Variants in MARCHF1 observed in about 807,000 individuals in gnomAD.
MARCHF1 encodes membrane associated ring-CH-type finger 1, also known as E3 ubiquitin-protein ligase MARCHF1.
Under a neutral mutation model 54.2 loss-of-function variants are expected in MARCHF1, and 40 were observed. The observed-to-expected ratio is 0.74, with a 90% CI of 0.57 to 0.96. MARCHF1 has a LOEUF of 0.96. MARCHF1 is among the 40% of genes least tolerant of loss of function. The pLI is 0.00. For synonymous variants in MARCHF1, 236 were observed against 236.3 expected, an observed-to-expected ratio of 1.00 and a Z score of 0.01; for missense variants, 586 against 656.5, an observed-to-expected ratio of 0.89 and a Z score of 1.17.
chr4:164,213,320 G>A (rs1288872852), intron 1 of MARCHF1, among the ~76,000 whole-genome samples: 1 of 151,302 alleles, frequency 6.6e-6, no homozygotes, highest in Non-Finnish European at 1.5e-5. Flanking sequence ...TGAAAGCTCC[G>A]CCTCCCAGGT....
At chr4:164,053,171 G>A (rs935609420) in intron 2 of MARCHF1, among the ~76,000 whole-genome samples, 1 of 152,066 alleles carries the variant, frequency 6.6e-6, no homozygotes, top group East Asian at 1.9e-4. Context: ...ACAGTGAAAA[G>A]CTCTTTTAAA....
At chr4:163,801,166 G>T (rs114938410) in intron 4 of MARCHF1, among the ~76,000 whole-genome samples, 2,180 of 152,116 alleles carry the variant, frequency 0.014, 54 homozygotes, top group African/African-American at 0.049. Context: ...AACAAAGATT[G>T]TGCTTTGTTG....
chr4:164,042,814 G>A (rs902397928), intron 2 of MARCHF1, among the ~76,000 whole-genome samples: 7 of 152,232 alleles, frequency 4.6e-5, no homozygotes, highest in African/African-American at 1.7e-4. Context: ...TGGGGGTACA[G>A]GCATTGGGTA....
Position 163,854,857 on chromosome 4 carries a change from A to G in MARCHF1, c.-38-688T>C, listed in dbSNP as rs74681582. Reference sequence around the variant, plus strand: ...GGAATGTTTTGTCTCTGAAAAAGTCATATCAACAATGACTTTTAACATAAT... The same window carrying G: ...GGAATGTTTTGTCTCTGAAAAAGTCGTATCAACAATGACTTTTAACATAAT... On this transcript the variant is annotated intron_variant, in intron 3 of 9. Transcript: ENST00000514618. 3.1e-3 allele frequency among the ~76,000 whole-genome samples: 470 copies of G among 152,330 alleles called. 11 individuals are homozygous for G. In the East Asian group the frequency reaches 0.065, roughly 21 times the overall value.
intron 4 of MARCHF1, among the ~76,000 whole-genome samples, chr4:163,780,755 T>TA (rs1306328576): frequency 1.1e-4 from 17 of 152,226 alleles, no homozygotes; most frequent in Non-Finnish European, 1.9e-4. Flanking sequence ...TTTCTTCTTC[T>TA]AATAGCAGAA....
At chr4:164,197,482 T>G in intron 1 of MARCHF1, 2 of 1,613,686 alleles carry the variant, frequency 1.2e-6, no homozygotes, top group African/African-American at 1.3e-5. Flanking sequence ...TGCCAATACT[T>G]CCAGGCCCCC....
At chr4:163,658,936 A>G (rs1297645303) in intron 5 of MARCHF1, among the ~76,000 whole-genome samples, 1 of 151,938 alleles carries the variant, frequency 6.6e-6, no homozygotes, top group Non-Finnish European at 1.5e-5. Context: ...CTGCACATGT[A>G]CCCTGGAACT....
chr4:163,990,559 C>A (rs1169086358), intron 2 of MARCHF1, among the ~76,000 whole-genome samples: 1 of 152,138 alleles, frequency 6.6e-6, no homozygotes, highest in Non-Finnish European at 1.5e-5. Flanking sequence ...GTATTTGTGA[C>A]ATACAGGAGC....
chr4:163,962,180 G>T (rs1305216701), intron 3 of MARCHF1, among the ~76,000 whole-genome samples: 1 of 151,924 alleles, frequency 6.6e-6, no homozygotes, highest in Non-Finnish European at 1.5e-5. Context: ...AATCTTGGGA[G>T]ATTTTCCATT....
chr4:163,723,121 A>G (rs1425977595), intron 4 of MARCHF1, among the ~76,000 whole-genome samples: 1 of 152,120 alleles, frequency 6.6e-6, no homozygotes, highest in Non-Finnish European at 1.5e-5. Flanking sequence ...TCCTAGCCTC[A>G]GTGGTCTTTA....
intron 7 of MARCHF1, among the ~76,000 whole-genome samples, chr4:163,588,653 A>G (rs1159378027): frequency 1.3e-5 from 2 of 152,162 alleles, no homozygotes; most frequent in African/African-American, 4.8e-5. Context: ...TTCACTGAAT[A>G]TTTTTAATCA....
At chr4:164,177,824 C>T (rs1308725565) in intron 1 of MARCHF1, among the ~76,000 whole-genome samples, 1 of 151,018 alleles carries the variant, frequency 6.6e-6, no homozygotes, top group Non-Finnish European at 1.5e-5. Context: ...CACACACACA[C>T]ACACACACAG....
chr4:163,718,148 T>C (rs1294145808), intron 4 of MARCHF1, among the ~76,000 whole-genome samples: 2 of 152,124 alleles, frequency 1.3e-5, no homozygotes, highest in African/African-American at 2.4e-5. Flanking sequence ...CACAAAAAAT[T>C]AATTCAAGAT....
At chr4:164,331,425 CTTCT>C (rs1735431147) in intron 1 of MARCHF1, among the ~76,000 whole-genome samples, 1 of 152,142 alleles carries the variant, frequency 6.6e-6, no homozygotes, top group African/African-American at 2.4e-5. Context: ...TGTAATTGTA[CTTCT>C]TTGATTCTAG....
At chr4:164,273,459 A>G (rs1334636401) in intron 1 of MARCHF1, among the ~76,000 whole-genome samples, 8 of 152,174 alleles carry the variant, frequency 5.3e-5, no homozygotes, top group Non-Finnish European at 1.0e-4. Context: ...TGGGGATACA[A>G]AGCCTAACCA....
At chr4:163,929,549 C>G (rs992722446) in intron 3 of MARCHF1, among the ~76,000 whole-genome samples, 3 of 151,540 alleles carry the variant, frequency 2.0e-5, no homozygotes, top group African/African-American at 7.3e-5. Flanking sequence ...TATTTTTTTT[C>G]CCTTCATCAG....
At chr4:164,063,281 GAA>G (rs369765932) in intron 2 of MARCHF1, among the ~76,000 whole-genome samples, 12 of 152,330 alleles carry the variant, frequency 7.9e-5, no homozygotes, top group African/African-American at 2.9e-4. Context: ...CTCCAGGTAT[GAA>G]AGTCTTAAAT....
At chr4:164,266,177 G>A (rs139423681) in intron 1 of MARCHF1, among the ~76,000 whole-genome samples, 5,439 of 152,200 alleles carry the variant, frequency 0.036, 221 homozygotes, top group African/African-American at 0.096. Flanking sequence ...GGTATGTCAC[G>A]TAGGTAATTT....
At chr4:163,747,174 T>C (rs1746387250) in intron 4 of MARCHF1, among the ~76,000 whole-genome samples, 1 of 152,204 alleles carries the variant, frequency 6.6e-6, no homozygotes, top group African/African-American at 2.4e-5. Flanking sequence ...AAGAAAATTG[T>C]CTTTCACAAA....
Sources: allele counts gnomAD v4.1 joint callset (sites outside exome capture counted in the v4.1 genomes callset), GRCh38; gene constraint gnomAD v4.1.1; transcripts MANE v1.5; gene names NCBI Gene and HGNC (gene_info 2026-07-23, HGNC 2026-07-21).